DCAF8: variants seen among roughly 807,000 people sequenced by gnomAD.
DCAF8 encodes DDB1- and CUL4-associated factor 8.
In DCAF8, 20 loss-of-function variants were observed where a neutral mutation model predicts 68.0. The ratio of observed to expected loss-of-function variants is 0.29; its 90% CI spans 0.21 to 0.43. DCAF8 has a LOEUF of 0.43. Ranked by LOEUF, DCAF8 falls within the 20% of genes least tolerant of loss-of-function variation. The pLI is 1.00. For synonymous variants in DCAF8, 230 were observed against 276.9 expected, an observed-to-expected ratio of 0.83 and a Z score of 1.68; for missense variants, 460 against 771.0, an observed-to-expected ratio of 0.60 and a Z score of 4.78.
rs371810218 is a variant in DCAF8 at position 160,240,139 on chromosome 1, C to G, written c.281G>C (p.Arg94Pro). ...TGHYSINDEN[R>P]VHDRSEEEEE... Reference sequence around the variant, plus strand: ...CTCTTCCTCTGAGCGGTCATGGACTCGATTTTCATCATTAATGGAGTAATG... The same window carrying G: ...CTCTTCCTCTGAGCGGTCATGGACTGGATTTTCATCATTAATGGAGTAATG... The change falls in exon 4 of 14, where the codon CGA (arginine) becomes CCA (proline). Residue 94 changes from arginine to proline, a missense_variant. Arg to Pro is a moderately radical substitution (Grantham distance 103, BLOSUM62 -2). Coordinates refer to ENST00000368074, the MANE Select transcript of DCAF8 (RefSeq NM_015726.4). 1 of 1,613,730 alleles carries G rather than the reference C, an allele frequency of 6.2e-7. No individual in the cohort carries two copies. Among genetic ancestry groups the G allele is most frequent in the Non-Finnish European group, 8.5e-7 (1 of 1,179,904 alleles).
intron 9 of DCAF8, among the ~76,000 whole-genome samples, 192 bp from the exon 10 acceptor site, chr1:160,224,741 C>A (rs1449240896): frequency 1.3e-5 from 2 of 152,196 alleles, no homozygotes; most frequent in African/African-American, 4.8e-5. Context: ...AACCCAGGGG[C>A]AGCAGAATGC....
rs1260336647 is a variant in DCAF8 at position 160,225,663 on chromosome 1, C to T, written c.1071G>A (p.Arg357=). The change falls in exon 8 of 14, where the codon AGG becomes AGA. Residue 357 remains arginine (R), a splice_region_variant and synonymous_variant. Coordinates refer to ENST00000368074, the MANE Select transcript of DCAF8 (RefSeq NM_015726.4). ...FAVGGRDQFV[R]IYDQRKIDEN... is the part of the protein sequence containing the mutation. ...CATCAATTTTCCTCTGGTCATAAAT[C>T]CTACAGTTGGAAAAGCAATGAAAAT... 3.1e-6 allele frequency: 5 copies of T among 1,612,008 alleles called. No homozygotes were observed. The highest frequency in any genetic ancestry group is 4.2e-6 in the Non-Finnish European group (5 of 1,178,394).
Position 160,217,584 on chromosome 1 carries a change from A to T in DCAF8, c.*8T>A, listed in dbSNP as rs1480588596. 3.2e-6 allele frequency: 5 copies of T among 1,583,464 alleles called. No homozygotes were observed. The highest frequency in any genetic ancestry group is 4.3e-6 in the Non-Finnish European group (5 of 1,153,470). ...CAGCCCCAGCCTGCCCCACCTAGGTATGAGGCCTCAAGATGGCATGCACTG... is the reference window on the plus strand; with the variant it reads ...CAGCCCCAGCCTGCCCCACCTAGGTTTGAGGCCTCAAGATGGCATGCACTG... On this transcript the variant is annotated 3_prime_UTR_variant, in exon 14 of 14. Coordinates refer to ENST00000368074, the MANE Select transcript of DCAF8 (RefSeq NM_015726.4).
At chr1:160,223,740 A>T (rs1327766967) in intron 10 of DCAF8, among the ~76,000 whole-genome samples, 2 of 152,152 alleles carry the variant, frequency 1.3e-5, no homozygotes, top group African/African-American at 4.8e-5. Context: ...TCCACAAAAA[A>T]TACAAAAATT....
At chr1:160,247,436 C>T (rs150871644) in intron 2 of DCAF8, among the ~76,000 whole-genome samples, 2 of 152,300 alleles carry the variant, frequency 1.3e-5, no homozygotes, top group African/African-American at 2.4e-5. Flanking sequence ...GACTTTACTA[C>T]GCTGGATAAG....
chr1:160,243,820 T>C, intron 3 of DCAF8, 140 bp downstream of exon 3: 1 of 759,208 alleles, frequency 1.3e-6, no homozygotes, highest in South Asian at 1.7e-5. Context: ...AGGTGTTTCC[T>C]GTGTAGTTTC....
intron 2 of DCAF8, among the ~76,000 whole-genome samples, chr1:160,248,375 G>C (rs1272053294): frequency 6.6e-6 from 1 of 152,092 alleles, no homozygotes; most frequent in Non-Finnish European, 1.5e-5. Context: ...GCTACAGACT[G>C]GAAGAAAGTA....
intron 2 of DCAF8, among the ~76,000 whole-genome samples, chr1:160,253,394 T>C (rs1180412123): frequency 6.6e-6 from 1 of 151,952 alleles, no homozygotes; most frequent in African/African-American, 2.4e-5. Context: ...ACGCTGGTAA[T>C]CCCAGCACTT....
At chr1:160,248,130 A>C (rs543289428) in intron 2 of DCAF8, among the ~76,000 whole-genome samples, 3 of 151,956 alleles carry the variant, frequency 2.0e-5, no homozygotes, top group Admixed American at 2.0e-4. Context: ...ACATGGTGAA[A>C]CCCCCGTCTC....
At chr1:160,227,556 CTAAG>C (rs1655518893) in intron 7 of DCAF8, among the ~76,000 whole-genome samples, 1 of 152,192 alleles carries the variant, frequency 6.6e-6, no homozygotes, top group African/African-American at 2.4e-5. Context: ...TACACCCCAA[CTAAG>C]TGTTTATTAA....
chr1:160,262,157 G>A (rs1205307017), intron 1 of DCAF8: 2 of 395,332 alleles, frequency 5.1e-6, no homozygotes, highest in Non-Finnish European at 8.9e-6. Flanking sequence ...ATGACTTCGG[G>A]TCGGCGGAAG....
chr1:160,237,265 A>G, intron 5 of DCAF8, 36 bp from the exon 6 acceptor site: 8 of 1,434,030 alleles, frequency 5.6e-6, no homozygotes, highest in Non-Finnish European at 7.7e-6. Context: ...AGGTTTCTAA[A>G]TATTAGAATT....
intron 7 of DCAF8, among the ~76,000 whole-genome samples, chr1:160,230,067 T>C (rs910165213): frequency 6.6e-6 from 1 of 151,938 alleles, no homozygotes; most frequent in Non-Finnish European, 1.5e-5. Flanking sequence ...TGTTGGTGAC[T>C]AGAGGAAACG....
In DCAF8 at chr1:160,221,459, G is replaced by A. The variant is rs116368954; in HGVS notation, c.1440+1192C>T. ...CCATAAAAACCCTAGATCTATGCAG[G>A]TCCCAGGTCCCTGAAATTTAGAGGA... On this transcript the variant is annotated intron_variant, in intron 11 of 13. Coordinates refer to ENST00000368074, the MANE Select transcript of DCAF8 (RefSeq NM_015726.4). 7.4e-3 allele frequency among the ~76,000 whole-genome samples: 1,132 copies of A among 152,222 alleles called. 16 individuals carry two copies. The highest frequency in any genetic ancestry group is 0.026 in the African/African-American group (1,068 of 41,510).
At chr1:160,246,015 G>A (rs545744123) in intron 2 of DCAF8, among the ~76,000 whole-genome samples, 3 of 152,246 alleles carry the variant, frequency 2.0e-5, no homozygotes, top group South Asian at 4.1e-4. Context: ...GCACATGCCT[G>A]TAATCCCAGC....
At chr1:160,258,575 C>T (rs554525404) in intron 2 of DCAF8, among the ~76,000 whole-genome samples, 1 of 151,520 alleles carries the variant, frequency 6.6e-6, no homozygotes, top group South Asian at 2.1e-4. Context: ...TCACTTGAGC[C>T]GGGCAAGTAA....
rs568768130 is a variant in DCAF8, at chr1:160,217,290, T to A, written c.*302A>T. ...AAAGAAAAAGAAACCCCATTCCCTATCCCAAACCAGTTAACAAAATAGGCT... is the reference window on the plus strand; with the variant it reads ...AAAGAAAAAGAAACCCCATTCCCTAACCCAAACCAGTTAACAAAATAGGCT... On this transcript the variant is annotated 3_prime_UTR_variant, in exon 14 of 14. Coordinates refer to ENST00000368074, the MANE Select transcript of DCAF8 (RefSeq NM_015726.4). 2 of 259,314 alleles carry A rather than the reference T, an allele frequency of 7.7e-6. No individual in the cohort carries two copies. The highest frequency in any genetic ancestry group is 1.4e-5 in the Non-Finnish European group (2 of 138,052). The allele number at this position is 259,314 out of a possible 1,614,324, so 16.1% of individuals were successfully genotyped here.
intron 2 of DCAF8, among the ~76,000 whole-genome samples, chr1:160,253,003 G>C (rs548360161): frequency 3.3e-5 from 5 of 152,256 alleles, no homozygotes; most frequent in African/African-American, 1.2e-4. Context: ...TCTGTACAGA[G>C]AAACTTCAAA....
chr1:160,237,327 G>A (rs1655931539), intron 5 of DCAF8, 98 bp from the exon 6 acceptor site: 1 of 794,288 alleles, frequency 1.3e-6, no homozygotes, highest in Non-Finnish European at 2.0e-6. Context: ...CACTTAAAAT[G>A]TTCCAAAAAG....
Sources: allele counts gnomAD v4.1 joint callset (sites outside exome capture counted in the v4.1 genomes callset), GRCh38; gene constraint gnomAD v4.1.1; transcripts MANE v1.5; gene names NCBI Gene and HGNC (gene_info 2026-07-23, HGNC 2026-07-21).